The following RIOX2 variants were observed in gnomAD, a reference collection of about 807,000 sequenced individuals.
The protein encoded by RIOX2 is 60S ribosomal protein L27a histidine hydroxylase.
A neutral mutation model predicts 51.2 loss-of-function variants in RIOX2; 43 were observed. The observed-to-expected ratio is 0.84, with a 90% CI of 0.66 to 1.08. The LOEUF (loss-of-function observed/expected upper bound fraction) is 1.08, where lower values mean the gene tolerates loss of function less well. Among genes scored for constraint, RIOX2 ranks in the 50% least tolerant of loss-of-function variants. The probability of loss-of-function intolerance (pLI) is 0.00; values close to 1 mark genes in which losing one functional copy is unlikely to be tolerated. For synonymous variants in RIOX2, 226 were observed against 218.5 expected (o/e 1.03, Z -0.30); for missense variants, 566 against 561.7 (o/e 1.01, Z -0.08).
At position 97,945,908 on chromosome 3, in the gene RIOX2, C is replaced by T. The variant is rs199769630; in HGVS notation, c.1150-21G>A. On this transcript the variant is annotated intron_variant, in intron 8 of 9. Coordinates refer to ENST00000394198, the MANE Select transcript of RIOX2 (RefSeq NM_153182.4). ...TCATCCTTTGGGGAAAAAATAAATG[C>T]ATTAGGCCATCAACAACACAACACT... is the stretch of plus-strand genomic sequence containing the variant. 1.6e-5 allele frequency: 25 copies of T among 1,534,666 alleles called. No individual in the cohort carries two copies. The Admixed American group carries it at 2.5e-4, about 15-fold the overall frequency.
chr3:97,963,087 G>C (rs941276817), intron 2 of RIOX2, among the ~76,000 whole-genome samples: 7 of 152,182 alleles, frequency 4.6e-5, no homozygotes, highest in Non-Finnish European at 1.0e-4. Context: ...AAAATATCAA[G>C]TGAGAAAGAA....
chr3:97,970,205 A>G (rs1462363299), intron 1 of RIOX2, among the ~76,000 whole-genome samples: 1 of 152,248 alleles, frequency 6.6e-6, no homozygotes. Flanking sequence ...ATCACTTAAA[A>G]GAATCTTTCC....
chr3:97,946,686 T>A (rs961235415), intron 8 of RIOX2, among the ~76,000 whole-genome samples: 2 of 150,664 alleles, frequency 1.3e-5, no homozygotes, highest in African/African-American at 4.9e-5. Context: ...ACATGTTGAG[T>A]GCCCCTCTCA....
At chr3:97,946,596 A>ATATC (rs1401630323) in intron 8 of RIOX2, among the ~76,000 whole-genome samples, 1 of 131,376 alleles carries the variant, frequency 7.6e-6, no homozygotes, top group Non-Finnish European at 1.6e-5. Flanking sequence ...GTATATATAT[A>ATATC]TATATATATA....
intron 4 of RIOX2, among the ~76,000 whole-genome samples, chr3:97,957,478 A>G (rs1705492844): frequency 7.3e-6 from 1 of 137,660 alleles, no homozygotes; most frequent in Non-Finnish European, 1.5e-5. Context: ...CCTGGGTGAC[A>G]GGGTGAGACT....
intron 5 of RIOX2, chr3:97,952,246 A>G (rs1162117592): frequency 1.6e-6 from 2 of 1,289,314 alleles, no homozygotes; most frequent in African/African-American, 3.0e-5. Context: ...TTCTAGCTCC[A>G]GCATCACTGT....
chr3:97,950,941 A>G, intron 5 of RIOX2, 53 bp from the exon 6 acceptor site: 2 of 1,242,658 alleles, frequency 1.6e-6, no homozygotes, highest in Non-Finnish European at 2.4e-6. Flanking sequence ...GTGCATACGA[A>G]ATATACATAA....
intron 2 of RIOX2, among the ~76,000 whole-genome samples, chr3:97,962,219 A>C (rs1041032955): frequency 2.0e-5 from 3 of 152,168 alleles, no homozygotes; most frequent in Non-Finnish European, 4.4e-5. Flanking sequence ...GGAGTTAAAA[A>C]AAATACTCTT....
At position 97,954,458 on chromosome 3, in the gene RIOX2, T is replaced by C. The variant is rs779878760; in HGVS notation, c.719A>G (p.His240Arg). Residue 240 changes from histidine (H) to arginine (R), a missense_variant, in exon 5 of 10, where the codon CAT becomes CGT. Physicochemically the swap from His to Arg is conservative, Grantham distance 29. Coordinates refer to ENST00000394198, the MANE Select transcript of RIOX2 (RefSeq NM_153182.4). ...DLLYFPRGTI[H>R]QADTPAGLAH... ...CAGCCCCGCAGGAGTGTCCGCTTGA[T>C]GAATGGTTCCTCTGGGAAAGTACAA... is the stretch of plus-strand genomic sequence containing the variant. 3.1e-6 allele frequency: 5 copies of C among 1,614,098 alleles called. No individual in the cohort carries two copies. Among genetic ancestry groups the C allele is most frequent in the South Asian group, 2.2e-5 (2 of 91,068 alleles).
In RIOX2 at chr3:97,960,202, G is replaced by A. The variant is rs78571933; in HGVS notation, c.553-1023C>T. ...TACTCCCGAGAAACAGAAAAAAGTC[G>A]TAACGTTACAAGAAAAAGTTGAATT... On this transcript the variant is annotated intron_variant, in intron 3 of 9. Coordinates refer to ENST00000394198, the MANE Select transcript of RIOX2 (RefSeq NM_153182.4). Among the ~76,000 whole-genome samples the A allele has an allele frequency of 2.1e-4, 32 of 152,194 alleles. 1 individual carries two copies. In the East Asian group the frequency reaches 5.6e-3, roughly 27 times the overall value.
At chr3:97,955,793 T>G in intron 4 of RIOX2, among the ~76,000 whole-genome samples, 1 of 152,176 alleles carries the variant, frequency 6.6e-6, no homozygotes, top group East Asian at 1.9e-4. Flanking sequence ...CTTACAAATC[T>G]AGGTAGTATA....
chr3:97,954,632 T>A, intron 4 of RIOX2, 137 bp from the exon 5 acceptor site: 1 of 699,144 alleles, frequency 1.4e-6, no homozygotes. Flanking sequence ...ACAGTCTATA[T>A]GCTGGGCTCA....
chr3:97,961,770 A>C lies in RIOX2; in HGVS notation c.433-62T>G, dbSNP rs141517383. The C allele has an allele frequency of 6.8e-4, 1,028 of 1,514,910 alleles. 7 individuals carry two copies. The African/African-American group carries it at 0.012, about 18-fold the overall frequency. 93.8% of individuals were successfully genotyped at this position (1,514,910 alleles called of 1,614,324 possible). On this transcript the variant is annotated intron_variant, in intron 2 of 9. Transcript: ENST00000394198. ...GGGAGTGAAAAATGTATTAGAAATA[A>C]GAATAAGAGCATGTTCTTGTTCACT...
chr3:97,959,770 T>C (rs548562546), intron 3 of RIOX2, among the ~76,000 whole-genome samples: 2 of 152,258 alleles, frequency 1.3e-5, no homozygotes, highest in African/African-American at 4.8e-5. Context: ...TAAAAACATA[T>C]GTAGATACTA....
At position 97,959,101 on chromosome 3, in the gene RIOX2, C is replaced by T. The variant is rs373581249; in HGVS notation, c.631G>A (p.Val211Met). The T allele has an allele frequency of 9.3e-6, 15 of 1,613,804 alleles. No homozygotes were observed. The highest frequency in any genetic ancestry group is 1.7e-5 in the Admixed American group (1 of 59,972). ...PTVPLAREYS[V>M]EAEERIGRPV... ...CTGCCGATCCTTTCCTCGGCCTCCA[C>T]GCTGTACTCTCGTGCCAGGGGCACA... Residue 211 changes from valine to methionine, a missense_variant, in exon 4 of 10, where the codon GTG becomes ATG. Physicochemically the swap from Val to Met is conservative, Grantham distance 21 (BLOSUM62 1). Coordinates refer to ENST00000394198, the MANE Select transcript of RIOX2 (RefSeq NM_153182.4).
intron 9 of RIOX2, chr3:97,945,584 C>T (rs1423357393): frequency 1.2e-5 from 7 of 606,478 alleles, no homozygotes; most frequent in African/African-American, 3.7e-5. Context: ...TATAAGGCTA[C>T]AGGTCCCAGC....
At chr3:97,946,841 G>C (rs1046009736) in intron 8 of RIOX2, among the ~76,000 whole-genome samples, 5 of 151,886 alleles carry the variant, frequency 3.3e-5, no homozygotes, top group African/African-American at 7.3e-5. Context: ...TCCAAGACCA[G>C]ATGAAACCCA....
chr3:97,960,351 T>C (rs895906292), intron 3 of RIOX2, among the ~76,000 whole-genome samples: 1 of 152,236 alleles, frequency 6.6e-6, no homozygotes, highest in Non-Finnish European at 1.5e-5. Flanking sequence ...TAAAAATACT[T>C]TTCCCTTTCT....
At chr3:97,952,384 G>A (rs1330312107) in intron 5 of RIOX2, 1 of 467,538 alleles carries the variant, frequency 2.1e-6, no homozygotes, top group African/African-American at 2.0e-5. Flanking sequence ...AAATGAATAG[G>A]ACCCAGGGGC....
Sources: allele counts gnomAD v4.1 joint callset (sites outside exome capture counted in the v4.1 genomes callset), GRCh38; gene constraint gnomAD v4.1.1; transcripts MANE v1.5; gene names NCBI Gene and HGNC (gene_info 2026-07-23, HGNC 2026-07-21).